Variants in COL27A1 observed in about 807,000 individuals in gnomAD.
COL27A1 encodes collagen type XXVII alpha 1 chain.
In COL27A1, 106 loss-of-function variants were observed where a neutral mutation model predicts 251.3. The observed-to-expected ratio is 0.42, with a 90% CI of 0.36 to 0.50. The LOEUF (loss-of-function observed/expected upper bound fraction) is 0.50. Ranked by LOEUF, COL27A1 falls within the 20% of genes least tolerant of loss-of-function variation. The probability of loss-of-function intolerance (pLI) is 0.00; values close to 1 mark genes in which losing one functional copy is unlikely to be tolerated. For missense variants in COL27A1, 2,325 were observed against 2,522.8 expected (o/e 0.92, Z 1.68); for synonymous variants, 1,000 against 986.3 (o/e 1.01, Z -0.26).
intron 36 of COL27A1, 40 bp downstream of exon 36, chr9:114,270,821 G>A (rs369878196): frequency 6.7e-6 from 10 of 1,498,364 alleles, no homozygotes; most frequent in African/African-American, 5.6e-5. Context: ...GACCCCGGCA[G>A]GGCATTGCTT....
At chr9:114,237,151 G>C in intron 18 of COL27A1, 117 bp downstream of exon 18, 1 of 944,132 alleles carries the variant, frequency 1.1e-6, no homozygotes, top group East Asian at 2.7e-5. Context: ...GAGCTCCTGG[G>C]GGCAAGCAGG....
intron 3 of COL27A1, among the ~76,000 whole-genome samples, chr9:114,170,995 C>T (rs1849275946): frequency 6.6e-6 from 1 of 152,240 alleles, no homozygotes; most frequent in Non-Finnish European, 1.5e-5. Flanking sequence ...GGCCCTCCCT[C>T]CCAAGAATTT....
At chr9:114,161,327 T>C (rs1848483109) in intron 1 of COL27A1, among the ~76,000 whole-genome samples, 1 of 152,164 alleles carries the variant, frequency 6.6e-6, no homozygotes, top group South Asian at 2.1e-4. Flanking sequence ...TATGCATGCC[T>C]AAACCAGTCA....
chr9:114,205,275 T>C, intron 8 of COL27A1, 129 bp downstream of exon 8: 1 of 805,744 alleles, frequency 1.2e-6, no homozygotes. Context: ...CCTCTCACCC[T>C]GCTGGAGCCC....
intron 17 of COL27A1, 96 bp from the exon 18 acceptor site, chr9:114,236,885 G>A (rs533988744): frequency 1.1e-5 from 13 of 1,159,554 alleles, no homozygotes; most frequent in South Asian, 3.9e-5. Context: ...CAAGGCGGGC[G>A]TTCTCTGGGC....
chr9:114,200,059 T>C (rs552861876), intron 7 of COL27A1, among the ~76,000 whole-genome samples: 2 of 151,900 alleles, frequency 1.3e-5, no homozygotes, highest in East Asian at 3.9e-4. Flanking sequence ...GTGGAAGCTG[T>C]AATAAAATGG....
chr9:114,269,157 C>T, intron 34 of COL27A1, 84 bp from the exon 35 acceptor site: 1 of 913,286 alleles, frequency 1.1e-6, no homozygotes, highest in Non-Finnish European at 1.6e-6. Context: ...ACCCCAAAGT[C>T]AGAGCTGGTG....
intron 10 of COL27A1, among the ~76,000 whole-genome samples, chr9:114,207,415 C>T (rs1448355552): frequency 6.6e-6 from 1 of 152,188 alleles, no homozygotes; most frequent in East Asian, 1.9e-4. Flanking sequence ...CTCCCATGGG[C>T]CATTCCCCCA....
intron 7 of COL27A1, among the ~76,000 whole-genome samples, chr9:114,203,596 C>G (rs951403939): frequency 3.9e-5 from 6 of 152,170 alleles, no homozygotes; most frequent in African/African-American, 1.4e-4. Flanking sequence ...CCATAGGCCC[C>G]TGAATCTGAG....
chr9:114,200,494 T>C (rs1829486899), intron 7 of COL27A1, among the ~76,000 whole-genome samples: 1 of 152,196 alleles, frequency 6.6e-6, no homozygotes, highest in Non-Finnish European at 1.5e-5. Context: ...AGACATTTGT[T>C]TGATGAATGA....
rs58739492 is a variant in COL27A1, at chr9:114,181,640, A to G, written c.1963-1382A>G. On this transcript the variant is annotated intron_variant, in intron 4 of 60. Transcript: ENST00000356083. ...TCCTGCTAGACAAAAACCCTCAAGT[A>G]TTCCCCGGCTCTTAGGGCTCTATTT... Among the ~76,000 whole-genome samples, 393 of 152,278 alleles carry G rather than the reference A, an allele frequency of 2.6e-3. 1 individual carries two copies. The highest frequency in any genetic ancestry group is 8.8e-3 in the African/African-American group (364 of 41,552).
intron 4 of COL27A1, among the ~76,000 whole-genome samples, chr9:114,180,618 G>A (rs1047216461): frequency 1.2e-4 from 19 of 152,138 alleles, no homozygotes; most frequent in African/African-American, 4.1e-4. Context: ...GGGGGCTCTG[G>A]GGCTTAAGGA....
chr9:114,255,452 A>C lies in COL27A1; in HGVS notation c.3141+2520A>C, dbSNP rs767297536. ...TCAGCCGTCCTGGGCCTGTCTCCCC[A>C]TCTGTCTAGTGGGAGGAGGAAAGCC... is the stretch of plus-strand genomic sequence containing the variant. On this transcript the variant is annotated intron_variant, in intron 27 of 60. Transcript: ENST00000356083. Among the ~76,000 whole-genome samples, 44 of 152,136 alleles carry C rather than the reference A, an allele frequency of 2.9e-4. 1 individual carries two copies. Among genetic ancestry groups the C allele is most frequent in the Non-Finnish European group, 1.2e-4 (8 of 68,024 alleles).
At chr9:114,227,985 T>G (rs1379798672) in intron 14 of COL27A1, among the ~76,000 whole-genome samples, 1 of 152,126 alleles carries the variant, frequency 6.6e-6, no homozygotes, top group Non-Finnish European at 1.5e-5. Flanking sequence ...CAGGGGGACC[T>G]GTCCTATGCG....
intron 5 of COL27A1, among the ~76,000 whole-genome samples, chr9:114,187,243 C>T (rs1389514763): frequency 2.0e-5 from 3 of 152,280 alleles, no homozygotes; most frequent in African/African-American, 2.4e-5. Context: ...GCTTCCAGCC[C>T]AGAATATTTT....
At chr9:114,254,027 G>A (rs1427604307) in intron 27 of COL27A1, among the ~76,000 whole-genome samples, 1 of 152,126 alleles carries the variant, frequency 6.6e-6, no homozygotes, top group Non-Finnish European at 1.5e-5. Context: ...TGTATTTTTA[G>A]TAGAGATGGG....
intron 32 of COL27A1, 63 bp from the exon 33 acceptor site, chr9:114,266,502 C>A: frequency 6.9e-7 from 1 of 1,452,066 alleles, no homozygotes; most frequent in Non-Finnish European, 9.6e-7. Flanking sequence ...TTCACCCCTC[C>A]AGATCCCAAA....
rs1229578837 is a variant in COL27A1, at chr9:114,294,097, AATT to A, written c.4584+1889_4584+1891del. ...ACTAACAATACAAAAAAAAAAAAAA[AATT>A]AGCCAGGCGTGGTGGCGCACACCTG... is the stretch of plus-strand genomic sequence containing the variant. On this transcript the variant is annotated intron_variant, in intron 49 of 60. Transcript: ENST00000356083. Among the ~76,000 whole-genome samples, 26 of 106,312 alleles carry A rather than the reference AATT, an allele frequency of 2.4e-4. 1 individual carries two copies. Among genetic ancestry groups the A allele is most frequent in the Non-Finnish European group, 3.9e-4 (20 of 50,938 alleles). 69.7% of individuals were successfully genotyped at this position (106,312 alleles called of 152,430 possible).
At chr9:114,157,111 C>CGCGT (rs1848179056) in intron 1 of COL27A1, among the ~76,000 whole-genome samples, 4 of 151,824 alleles carry the variant, frequency 2.6e-5, no homozygotes, top group Non-Finnish European at 5.9e-5. Flanking sequence ...CACATACGCG[C>CGCGT]GCGCGGCACC....
Sources: gnomAD v4.1 joint callset for allele counts (sites outside exome capture counted in the v4.1 genomes callset) on GRCh38, gnomAD v4.1.1 for gene constraint, MANE v1.5 for transcripts, NCBI Gene and HGNC (gene_info 2026-07-23, HGNC 2026-07-21) for gene names.